Variants in TUSC3 observed in about 807,000 individuals in gnomAD.
TUSC3 encodes tumor suppressor candidate 3.
In TUSC3, 45 loss-of-function variants were observed where a neutral mutation model predicts 44.8. The observed-to-expected ratio is 1.00, with a 90% confidence interval of 0.79 to 1.29. The LOEUF is 1.29. Among genes scored for constraint, TUSC3 ranks in the 50% most tolerant of loss-of-function variants. The pLI is 0.00. For missense variants in TUSC3, 519 were observed against 437.9 expected (o/e 1.19, Z -1.65); for synonymous variants, 212 against 152.9 (o/e 1.39, Z -2.85).
intron 3 of TUSC3, among the ~76,000 whole-genome samples, chr8:15,658,598 G>C (rs931214281): frequency 1.3e-5 from 2 of 149,882 alleles, no homozygotes; most frequent in Admixed American, 6.7e-5. Flanking sequence ...TATAATTCCT[G>C]GGCAACAGAA....
downstream of TUSC3, among the ~76,000 whole-genome samples, chr8:15,767,434 G>GAAA (rs201749533): frequency 2.3e-5 from 3 of 132,088 alleles, no homozygotes; most frequent in Middle Eastern, 3.7e-3. Context: ...AGAAAAACAG[G>GAAA]AAAAAAAAAA....
At chr8:15,513,165 T>G (rs78806738) in intron 2 of TUSC3, among the ~76,000 whole-genome samples, 4,658 of 151,622 alleles carry the variant, frequency 0.031, 204 homozygotes, top group African/African-American at 0.1. Flanking sequence ...ATACAAAAAA[T>G]TGATTATGAT....
intron 1 of TUSC3, among the ~76,000 whole-genome samples, chr8:15,442,854 G>C (rs1020246848): frequency 1.3e-5 from 2 of 152,236 alleles, no homozygotes; most frequent in East Asian, 1.9e-4. Context: ...ATGGTGCATG[G>C]AGCCCAGTTG....
intron 1 of TUSC3, among the ~76,000 whole-genome samples, chr8:15,466,752 A>C (rs77461139): frequency 0.021 from 3,161 of 152,186 alleles, 60 homozygotes; most frequent in Non-Finnish European, 0.031. Flanking sequence ...TTTAAAAATC[A>C]AGTCATCTTA....
chr8:15,753,469 A>G (rs1253041590), intron 9 of TUSC3, among the ~76,000 whole-genome samples: 1 of 152,128 alleles, frequency 6.6e-6, no homozygotes, highest in African/African-American at 2.4e-5. Context: ...TGACATTTAC[A>G]GTATCCTCCT....
the TUSC3 span, among the ~76,000 whole-genome samples, chr8:15,848,801 T>A: frequency 6.6e-6 from 1 of 152,188 alleles, no homozygotes; most frequent in Non-Finnish European, 1.5e-5. Flanking sequence ...AATAACTTCT[T>A]TGGGACCAAC....
intron 8 of TUSC3, among the ~76,000 whole-genome samples, chr8:15,745,174 T>A (rs1323211637): frequency 6.6e-6 from 1 of 152,132 alleles, no homozygotes; most frequent in Admixed American, 6.6e-5. Context: ...ACATTTTCTT[T>A]ATCTAGTCCG....
At chr8:15,627,280 A>C (rs1805558326) in intron 2 of TUSC3, among the ~76,000 whole-genome samples, 1 of 152,192 alleles carries the variant, frequency 6.6e-6, no homozygotes, top group African/African-American at 2.4e-5. Flanking sequence ...CCTGCCTGGC[A>C]GAAAGGAGGT....
chr8:15,813,343 C>A, the TUSC3 span, among the ~76,000 whole-genome samples: 1 of 150,576 alleles, frequency 6.6e-6, no homozygotes, highest in South Asian at 2.1e-4. Flanking sequence ...TCCTCTGTAC[C>A]ATTAAGAGTA....
chr8:15,578,179 T>A (rs1244569716), intron 1 of TUSC3, among the ~76,000 whole-genome samples: 1 of 130,402 alleles, frequency 7.7e-6, no homozygotes, highest in African/African-American at 3.0e-5. Flanking sequence ...CCTGAGACTT[T>A]GCTGAAGTTG....
At chr8:15,651,407 A>T (rs572740280) in intron 3 of TUSC3, among the ~76,000 whole-genome samples, 2 of 152,238 alleles carry the variant, frequency 1.3e-5, no homozygotes, top group African/African-American at 4.8e-5. Context: ...TTATGGACTG[A>T]ATTGTATTTC....
intron 1 of TUSC3, among the ~76,000 whole-genome samples, chr8:15,567,915 G>C (rs1802735135): frequency 6.6e-6 from 1 of 152,152 alleles, no homozygotes; most frequent in Admixed American, 6.5e-5. Context: ...AAGACACATT[G>C]AGTAATGTGT....
At chr8:15,769,817 A>G (rs189963545), downstream of TUSC3, among the ~76,000 whole-genome samples, 3 of 152,218 alleles carry the variant, frequency 2.0e-5, no homozygotes, top group East Asian at 5.8e-4. Flanking sequence ...CGTTAAAGAA[A>G]GCTCATCATC....
chr8:15,772,455 C>G, the TUSC3 span, among the ~76,000 whole-genome samples: 2 of 152,116 alleles, frequency 1.3e-5, no homozygotes, highest in Admixed American at 6.6e-5. Flanking sequence ...AACAACCAAA[C>G]TATGAAAATT....
intron 6 of TUSC3, among the ~76,000 whole-genome samples, chr8:15,712,502 C>G (rs1445227434): frequency 6.6e-6 from 1 of 151,876 alleles, no homozygotes; most frequent in Admixed American, 6.6e-5. Flanking sequence ...ATCTTTATTC[C>G]TTAACCGTTT....
chr8:15,528,764 C>T (rs942594300), intron 2 of TUSC3, among the ~76,000 whole-genome samples: 1 of 152,142 alleles, frequency 6.6e-6, no homozygotes, highest in Non-Finnish European at 1.5e-5. Flanking sequence ...AATTAAATAG[C>T]TTCAAACATT....
chr8:15,440,598 G>A (rs1800008233), intron 1 of TUSC3, among the ~76,000 whole-genome samples: 4 of 152,152 alleles, frequency 2.6e-5, no homozygotes, highest in South Asian at 4.1e-4. Flanking sequence ...CATCTTACAG[G>A]ATGGAATATT....
At chr8:15,535,458 T>C (rs996436818), upstream of TUSC3, among the ~76,000 whole-genome samples, 1 of 152,166 alleles carries the variant, frequency 6.6e-6, no homozygotes, top group Non-Finnish European at 1.5e-5. Context: ...CTGGATAGTG[T>C]GGACTAAAAG....
intron 2 of TUSC3, among the ~76,000 whole-genome samples, chr8:15,638,507 CTTTTTTTCTTTT>C (rs1460770936): frequency 4.4e-5 from 5 of 112,656 alleles, no homozygotes; most frequent in South Asian, 3.0e-4. Flanking sequence ...CTTTTTTTTT[CTTTTTTTCTTTT>C]TTTTTTTTTT....
Sources: allele counts gnomAD v4.1 joint callset (sites outside exome capture counted in the v4.1 genomes callset), GRCh38; gene constraint gnomAD v4.1.1; transcripts MANE v1.5; gene names NCBI Gene and HGNC (gene_info 2026-07-23, HGNC 2026-07-21).